TMEM132D: variants seen among roughly 807,000 people sequenced by gnomAD.
TMEM132D encodes the protein transmembrane protein 132D, also known as mature OL transmembrane protein.
In TMEM132D, 21 loss-of-function variants were observed where a neutral mutation model predicts 62.3. The observed-to-expected ratio is 0.34, with a 90% CI of 0.24 to 0.49. TMEM132D has a LOEUF of 0.49. Among genes scored for constraint, TMEM132D ranks in the 20% least tolerant of loss-of-function variants. The pLI is 0.99. For missense variants in TMEM132D, 1,346 were observed against 1,402.8 expected (o/e 0.96, Z 0.65); for synonymous variants, 621 against 575.6 (o/e 1.08, Z -1.13).
chr12:129,738,322 A>C (rs1377748893), intron 1 of TMEM132D, among the ~76,000 whole-genome samples: 1 of 152,164 alleles, frequency 6.6e-6, no homozygotes, highest in East Asian at 1.9e-4. Flanking sequence ...AGGGAAAAAA[A>C]GGAGACAGAG....
chr12:129,267,779 A>G (rs1206381264), intron 4 of TMEM132D, among the ~76,000 whole-genome samples: 3 of 152,198 alleles, frequency 2.0e-5, no homozygotes, highest in Admixed American at 1.3e-4. Flanking sequence ...CCTGACTTCA[A>G]ACTACACTAC....
intron 2 of TMEM132D, among the ~76,000 whole-genome samples, chr12:129,678,390 T>G (rs1880692461): frequency 6.6e-6 from 1 of 152,202 alleles, no homozygotes; most frequent in Admixed American, 6.5e-5. Context: ...TGTATTTACC[T>G]GATTACGAAT....
At chr12:129,680,148 C>T (rs1327828148) in intron 2 of TMEM132D, among the ~76,000 whole-genome samples, 1 of 152,142 alleles carries the variant, frequency 6.6e-6, no homozygotes, top group Non-Finnish European at 1.5e-5. Flanking sequence ...TGCCCATGTG[C>T]TGAGAAGGGG....
chr12:129,762,513 C>G (rs1315187767), intron 1 of TMEM132D, among the ~76,000 whole-genome samples: 1 of 152,100 alleles, frequency 6.6e-6, no homozygotes, highest in Admixed American at 6.5e-5. Context: ...CTTCTTTTCA[C>G]CCTTCTGAAG....
intron 3 of TMEM132D, among the ~76,000 whole-genome samples, chr12:129,388,583 A>G (rs1288019238): frequency 8.8e-6 from 1 of 114,102 alleles, no homozygotes; most frequent in Non-Finnish European, 2.1e-5. Context: ...AAACACTAAC[A>G]CCGACACCAA....
chr12:129,145,567 C>A (rs1458366998), intron 5 of TMEM132D, among the ~76,000 whole-genome samples: 1 of 152,056 alleles, frequency 6.6e-6, no homozygotes, highest in African/African-American at 2.4e-5. Context: ...ATCTCTGTCT[C>A]CTGCCAAGAT....
At chr12:129,232,809 T>C (rs923979122) in intron 4 of TMEM132D, among the ~76,000 whole-genome samples, 5 of 151,612 alleles carry the variant, frequency 3.3e-5, no homozygotes, top group Non-Finnish European at 7.4e-5. Context: ...TCTTACATGA[T>C]GGCAGGAGAG....
chr12:129,350,665 G>A (rs1409661624), intron 3 of TMEM132D, among the ~76,000 whole-genome samples: 2 of 152,226 alleles, frequency 1.3e-5, no homozygotes, highest in Non-Finnish European at 2.9e-5. Context: ...AAACTGTTGG[G>A]TATGTGGAGA....
At chr12:129,281,886 C>A (rs7953858) in intron 4 of TMEM132D, among the ~76,000 whole-genome samples, 40,620 of 152,066 alleles carry the variant, frequency 0.27, 5,600 homozygotes, top group Middle Eastern at 0.3. Flanking sequence ...AACAAAAGAC[C>A]AGGTGTCTTT....
At chr12:129,850,167 C>T (rs1310349072) in intron 1 of TMEM132D, among the ~76,000 whole-genome samples, 1 of 152,194 alleles carries the variant, frequency 6.6e-6, no homozygotes, top group East Asian at 1.9e-4. Flanking sequence ...GGATCTCTCT[C>T]TCTCCTCTCT....
chr12:129,780,849 T>C (rs1487104436), intron 1 of TMEM132D, among the ~76,000 whole-genome samples: 1 of 152,198 alleles, frequency 6.6e-6, no homozygotes, highest in Non-Finnish European at 1.5e-5. Context: ...GGGATGTTAA[T>C]AACCATGTTT....
chr12:129,720,061 C>T (rs890781721), intron 1 of TMEM132D, among the ~76,000 whole-genome samples: 9 of 151,998 alleles, frequency 5.9e-5, no homozygotes, highest in African/African-American at 2.2e-4. Flanking sequence ...TTGCCCTAAG[C>T]GTGGAAGGGA....
chr12:129,858,796 C>G (rs193027305), intron 1 of TMEM132D, among the ~76,000 whole-genome samples: 1 of 98,880 alleles, frequency 1.0e-5, no homozygotes, highest in Non-Finnish European at 2.0e-5. Flanking sequence ...TAACGGAGTC[C>G]GGGGAAACGG....
In TMEM132D at chr12:129,225,008, G is replaced by C. The variant is rs112633179; in HGVS notation, c.1300-15345C>G. ...ATAAAATAAATACGGAAACAGGAGA[G>C]CTTAGGGTGAGGAGTGCGAGCTTTG... On this transcript the variant is annotated intron_variant, in intron 4 of 8. Transcript: ENST00000422113. Among the ~76,000 whole-genome samples, 107 of 152,302 alleles carry C rather than the reference G, an allele frequency of 7.0e-4. 2 individuals carry two copies. The highest frequency in any genetic ancestry group is 2.5e-3 in the African/African-American group (104 of 41,574).
At chr12:129,373,670 C>A (rs1055258595) in intron 3 of TMEM132D, among the ~76,000 whole-genome samples, 17 of 151,874 alleles carry the variant, frequency 1.1e-4, no homozygotes, top group African/African-American at 3.6e-4. Context: ...AAAAAAACAA[C>A]AAAAAAACAT....
intron 1 of TMEM132D, among the ~76,000 whole-genome samples, chr12:129,820,403 G>A (rs891882602): frequency 1.3e-5 from 2 of 152,176 alleles, no homozygotes; most frequent in Non-Finnish European, 2.9e-5. Flanking sequence ...TTCGAGTCTG[G>A]CAGAGCTACG....
At chr12:129,651,183 C>T (rs914670737) in intron 2 of TMEM132D, among the ~76,000 whole-genome samples, 2 of 152,052 alleles carry the variant, frequency 1.3e-5, no homozygotes, top group Admixed American at 1.3e-4. Context: ...AATACTTAAT[C>T]CTCTCTCCCA....
At chr12:129,384,842 C>T (rs1304503463) in intron 3 of TMEM132D, among the ~76,000 whole-genome samples, 2 of 152,142 alleles carry the variant, frequency 1.3e-5, no homozygotes, top group Non-Finnish European at 2.9e-5. Context: ...ATGTCAAAAT[C>T]CTAGTTAAGA....
rs1878057984 is a variant in TMEM132D, at chr12:129,181,261, T to G, written c.1443+28259A>C. On this transcript the variant is annotated intron_variant, in intron 5 of 8. Transcript: ENST00000422113. ...ACAATCTGAAATTCCTCCTCCTCCA[T>G]TTCTTCCAACATCCCATCAGTCATC... 2.0e-5 allele frequency among the ~76,000 whole-genome samples: 3 copies of G among 152,200 alleles called. No homozygotes were observed. In the South Asian group the frequency reaches 6.2e-4, roughly 31 times the overall value.
Sources: allele counts gnomAD v4.1 joint callset (sites outside exome capture counted in the v4.1 genomes callset), GRCh38; gene constraint gnomAD v4.1.1; transcripts MANE v1.5; gene names NCBI Gene and HGNC (gene_info 2026-07-23, HGNC 2026-07-21).